The following FSD1L variants were observed in gnomAD, a reference collection of about 807,000 sequenced individuals.
FSD1L encodes FSD1-like protein.
Under a neutral mutation model 71.6 loss-of-function variants are expected in FSD1L, and 45 were observed. That is an observed-to-expected ratio of 0.63 (90% CI 0.49 to 0.81). The LOEUF is 0.81. Among genes scored for constraint, FSD1L ranks in the 30% least tolerant of loss-of-function variants. The probability of loss-of-function intolerance (pLI) is 0.00; values close to 1 mark genes in which losing one functional copy is unlikely to be tolerated. For missense variants in FSD1L, 561 were observed against 618.1 expected (o/e 0.91, Z 0.98); for synonymous variants, 197 against 207.2 (o/e 0.95, Z 0.42).
chr9:105,470,323 A>G (rs1376659002), intron 4 of FSD1L, among the ~76,000 whole-genome samples: 2 of 152,176 alleles, frequency 1.3e-5, no homozygotes, highest in East Asian at 1.9e-4. Flanking sequence ...ATTACATTGA[A>G]TTTATAGATT....
At chr9:105,464,359 G>T in intron 3 of FSD1L, 28 bp downstream of exon 3, 1 of 1,159,958 alleles carries the variant, frequency 8.6e-7, no homozygotes. Context: ...AAAATTTTGT[G>T]TAAATATGTC....
intron 13 of FSD1L, among the ~76,000 whole-genome samples, chr9:105,544,525 G>A (rs1836850138): frequency 6.6e-6 from 1 of 152,122 alleles, no homozygotes; most frequent in Admixed American, 6.6e-5. Flanking sequence ...GAATGGTATT[G>A]CCTTGGTTTT....
intron 13 of FSD1L, among the ~76,000 whole-genome samples, chr9:105,542,706 T>A (rs1002010087): frequency 6.6e-6 from 1 of 152,236 alleles, no homozygotes; most frequent in African/African-American, 2.4e-5. Flanking sequence ...TCCACCAGCC[T>A]TGGCCCCCCA....
chr9:105,470,603 A>G (rs1419733497), intron 4 of FSD1L, among the ~76,000 whole-genome samples: 2 of 151,934 alleles, frequency 1.3e-5, no homozygotes, highest in Non-Finnish European at 2.9e-5. Flanking sequence ...TGAGTTATAG[A>G]TATCTTTGAG....
chr9:105,519,791 G>T (rs1834993072), intron 10 of FSD1L, among the ~76,000 whole-genome samples: 1 of 152,172 alleles, frequency 6.6e-6, no homozygotes, highest in Admixed American at 6.5e-5. Context: ...TCGTGGCTCT[G>T]GATCCGGGGC....
At chr9:105,521,749 C>T (rs1835175212) in intron 10 of FSD1L, 3 of 1,608,866 alleles carry the variant, frequency 1.9e-6, no homozygotes, top group Non-Finnish European at 2.5e-6. Context: ...TCCAGTTGGG[C>T]AAAAAACGGC....
intron 10 of FSD1L, among the ~76,000 whole-genome samples, chr9:105,516,328 G>C (rs1834719981): frequency 6.6e-6 from 1 of 152,200 alleles, no homozygotes; most frequent in Admixed American, 6.5e-5. Flanking sequence ...CAAGCACAGA[G>C]TTCAAGCTCT....
At chr9:105,488,057 G>A (rs931350430) in intron 7 of FSD1L, among the ~76,000 whole-genome samples, 1 of 152,036 alleles carries the variant, frequency 6.6e-6, no homozygotes, top group Non-Finnish European at 1.5e-5. Context: ...GTTTACATTG[G>A]GGGTTCCCTC....
chr9:105,512,235 C>T (rs1834436097), intron 9 of FSD1L, among the ~76,000 whole-genome samples: 2 of 147,034 alleles, frequency 1.4e-5, no homozygotes. Flanking sequence ...TGGTTCTTTT[C>T]CCTCTGTACT....
chr9:105,488,872 G>C (rs1327689502), intron 7 of FSD1L, among the ~76,000 whole-genome samples: 1 of 146,410 alleles, frequency 6.8e-6, no homozygotes, highest in Non-Finnish European at 1.5e-5. Context: ...ATGATATAAA[G>C]TTGGAAATCA....
chr9:105,455,184 C>G (rs1030368391), intron 1 of FSD1L, among the ~76,000 whole-genome samples: 1 of 152,216 alleles, frequency 6.6e-6, no homozygotes, highest in Non-Finnish European at 1.5e-5. Flanking sequence ...CTGAATGTGT[C>G]TTCTGAGCTT....
At chr9:105,444,539 C>T (rs1177040920), upstream of FSD1L, among the ~76,000 whole-genome samples, 29 of 152,188 alleles carry the variant, frequency 1.9e-4, no homozygotes, top group Admixed American at 1.6e-3. Context: ...TAGCCCAGGG[C>T]TGCAGGCAAT....
intron 12 of FSD1L, among the ~76,000 whole-genome samples, chr9:105,537,932 A>G (rs895374613): frequency 6.6e-6 from 1 of 152,196 alleles, no homozygotes; most frequent in Non-Finnish European, 1.5e-5. Context: ...AGTAGAATTC[A>G]TAGGACTTAG....
At chr9:105,442,558 C>T in the FSD1L span, among the ~76,000 whole-genome samples, 3,857 of 151,742 alleles carry the variant, frequency 0.025, 56 homozygotes, top group Middle Eastern at 0.041. Flanking sequence ...CATGGTGGCA[C>T]GTGCCTGTGG....
chr9:105,487,444 T>C (rs1832625232), intron 7 of FSD1L, among the ~76,000 whole-genome samples: 1 of 152,018 alleles, frequency 6.6e-6, no homozygotes, highest in Admixed American at 6.6e-5. Flanking sequence ...TTTCCTATTC[T>C]AATAGGTGAC....
chr9:105,464,555 A>G (rs2131614628), intron 3 of FSD1L, among the ~76,000 whole-genome samples: 1 of 152,328 alleles, frequency 6.6e-6, no homozygotes, highest in South Asian at 2.1e-4. Context: ...GTTGTTAGAA[A>G]ATACCAGAGT....
rs539006130 is a variant in FSD1L, at chr9:105,500,896, T to C, written c.587-5503T>C. The C allele has an allele frequency of 1.3e-4, 20 of 152,348 alleles. No individual in the cohort carries two copies. In the East Asian group the frequency reaches 3.9e-3, roughly 29 times the overall value. The allele number at this position is 152,348 out of a possible 1,614,324, so 9.4% of individuals were successfully genotyped here. On this transcript the variant is annotated intron_variant, in intron 7 of 13. Transcript: ENST00000481272. ...ATGGAGAAAACTCAGCTTAATAATATCAGAAAGGCTTTTCTAATAGCCACA... is the reference window on the plus strand; with the variant it reads ...ATGGAGAAAACTCAGCTTAATAATACCAGAAAGGCTTTTCTAATAGCCACA...
intron 7 of FSD1L, among the ~76,000 whole-genome samples, chr9:105,491,036 T>C (rs1199105673): frequency 1.3e-5 from 2 of 152,132 alleles, no homozygotes; most frequent in African/African-American, 2.4e-5. Flanking sequence ...TTTCGAATTC[T>C]GTGAAGAAAG....
chr9:105,492,214 G>A (rs1832994639), intron 7 of FSD1L, among the ~76,000 whole-genome samples: 1 of 152,004 alleles, frequency 6.6e-6, no homozygotes, highest in South Asian at 2.1e-4. Context: ...ACTTCTTCCT[G>A]GTTTAGTCTT....
Sources: gnomAD v4.1 joint callset for allele counts (sites outside exome capture counted in the v4.1 genomes callset) on GRCh38, gnomAD v4.1.1 for gene constraint, MANE v1.5 for transcripts, NCBI Gene and HGNC (gene_info 2026-07-23, HGNC 2026-07-21) for gene names.